FOXO3: variants seen among roughly 807,000 people sequenced by gnomAD.
The protein encoded by FOXO3 is forkhead box O3, also known as forkhead box protein O3.
FOXO3 carries 4 observed loss-of-function variants against 41.9 expected under a neutral mutation model. The observed-to-expected ratio is 0.10, with a 90% CI of 0.05 to 0.22. FOXO3 has a LOEUF of 0.22. Ranked by LOEUF, FOXO3 falls within the 10% of genes least tolerant of loss-of-function variation. The pLI, the probability that FOXO3 is intolerant of heterozygous loss-of-function variation, is 1.00. For missense variants in FOXO3, 534 were observed against 906.8 expected, an observed-to-expected ratio of 0.59 and a Z score of 5.28; for synonymous variants, 318 against 389.3, an observed-to-expected ratio of 0.82 and a Z score of 2.16.
At position 108,561,237 on chromosome 6, in the gene FOXO3, C is replaced by T. The variant is rs755477843; in HGVS notation, c.29C>T (p.Pro10Leu). ...GCAGAGGCACCGGCTTCCCCGGCCCCGCTCTCTCCGCTCGAAGTGGAGCTG... is the reference window on the plus strand; with the variant it reads ...GCAGAGGCACCGGCTTCCCCGGCCCTGCTCTCTCCGCTCGAAGTGGAGCTG... MAEAPASPAPLSPLEVELDP... is the reference protein window; with the variant it reads MAEAPASPALLSPLEVELDP... The change falls in exon 1 of 3, where the codon CCG becomes CTG. Residue 10 changes from proline to leucine, a missense_variant. Pro to Leu is a moderately conservative substitution (Grantham distance 98, BLOSUM62 -3). This residue lies in a region of FOXO3 where 19 missense variants were observed against 26.2 expected (regional missense o/e 0.73). Transcript: ENST00000406360. 6.0e-5 allele frequency: 94 copies of T among 1,562,412 alleles called. No individual in the cohort carries two copies. The highest frequency in any genetic ancestry group is 5.5e-5 in the Non-Finnish European group (64 of 1,156,310).
At chr6:108,678,331 C>T (rs140180707) in intron 2 of FOXO3, among the ~76,000 whole-genome samples, 208 of 152,252 alleles carry the variant, frequency 1.4e-3, no homozygotes, top group African/African-American at 5.0e-3. Flanking sequence ...GAGAAAAGCA[C>T]GAGTTCATGT....
intron 2 of FOXO3, among the ~76,000 whole-genome samples, chr6:108,677,235 T>G (rs888367644): frequency 7.2e-5 from 11 of 152,220 alleles, no homozygotes; most frequent in Admixed American, 6.5e-4. Context: ...TTCACACATC[T>G]CGTTTTTAAT....
rs564472144 is a variant in FOXO3, at chr6:108,635,235, C to T, written c.622-28220C>T. ...AGAATTTCTTGAACCCGGGAGGTTG[C>T]AGTGAGCGGAGATCACACCACTGTA... On this transcript the variant is annotated intron_variant, in intron 1 of 2. Coordinates refer to ENST00000406360, the MANE Select transcript of FOXO3 (RefSeq NM_001455.4). Among the ~76,000 whole-genome samples the T allele has an allele frequency of 6.6e-5, 10 of 152,082 alleles. 1 individual carries two copies. In the South Asian group the frequency reaches 2.1e-3, roughly 32 times the overall value.
At chr6:108,620,724 A>G (rs1387418853) in intron 1 of FOXO3, among the ~76,000 whole-genome samples, 1 of 152,224 alleles carries the variant, frequency 6.6e-6, no homozygotes, top group East Asian at 1.9e-4. Flanking sequence ...TTGGCAGCTT[A>G]TTATGAAAAG....
chr6:108,628,623 C>T (rs1361168089), intron 1 of FOXO3, among the ~76,000 whole-genome samples: 1 of 152,128 alleles, frequency 6.6e-6, no homozygotes, highest in Non-Finnish European at 1.5e-5. Flanking sequence ...TTTCCAGGTC[C>T]AGTTGCTGAA....
At chr6:108,560,281 T>A (rs572782277), upstream of FOXO3, among the ~76,000 whole-genome samples, 2 of 152,260 alleles carry the variant, frequency 1.3e-5, no homozygotes, top group African/African-American at 4.8e-5. Context: ...AGATTTATGT[T>A]CCGACTCGCT....
At chr6:108,573,213 G>C (rs1776157856) in intron 1 of FOXO3, among the ~76,000 whole-genome samples, 2 of 152,124 alleles carry the variant, frequency 1.3e-5, no homozygotes, top group African/African-American at 4.8e-5. Flanking sequence ...CGTGAACCCA[G>C]GAGGCGGAGC....
intron 1 of FOXO3, among the ~76,000 whole-genome samples, chr6:108,618,509 C>G (rs528756531): frequency 2.5e-4 from 38 of 152,318 alleles, no homozygotes; most frequent in Middle Eastern, 3.4e-3. Context: ...TCAGTGGTAT[C>G]GTTTTGAAGC....
At chr6:108,582,048 A>C (rs1007764976) in intron 1 of FOXO3, among the ~76,000 whole-genome samples, 7 of 152,234 alleles carry the variant, frequency 4.6e-5, no homozygotes, top group African/African-American at 1.7e-4. Context: ...AAAGCCCTAC[A>C]AACAATGTCA....
intron 1 of FOXO3, among the ~76,000 whole-genome samples, chr6:108,650,837 G>A (rs139384061): frequency 3.3e-5 from 5 of 152,090 alleles, no homozygotes; most frequent in East Asian, 3.9e-4. Flanking sequence ...ATCTTTTTTT[G>A]TGAACTTTTG....
At chr6:108,630,262 GGGAAGAGCAGGCC>G (rs1777927549) in intron 1 of FOXO3, among the ~76,000 whole-genome samples, 1 of 152,150 alleles carries the variant, frequency 6.6e-6, no homozygotes, top group Admixed American at 6.6e-5. Flanking sequence ...GGCAGAAACA[GGGAAGAGCAGGCC>G]GGAAGAGAGA....
At chr6:108,573,013 G>A (rs1536058) in intron 1 of FOXO3, among the ~76,000 whole-genome samples, 4,618 of 152,236 alleles carry the variant, frequency 0.03, 103 homozygotes, top group Non-Finnish European at 0.046. Context: ...TTTGGCCGGC[G>A]CGGTGGCTCA....
At chr6:108,621,112 T>C (rs993976896) in intron 1 of FOXO3, among the ~76,000 whole-genome samples, 5 of 152,154 alleles carry the variant, frequency 3.3e-5, no homozygotes, top group Non-Finnish European at 7.4e-5. Flanking sequence ...TGAAATAAGA[T>C]TGGAAAAAAA....
Position 108,611,985 on chromosome 6 carries a change from A to G in FOXO3, c.621+50156A>G, listed in dbSNP as rs193121822. On this transcript the variant is annotated intron_variant, in intron 1 of 2. Coordinates refer to ENST00000406360, the MANE Select transcript of FOXO3 (RefSeq NM_001455.4). Reference sequence around the variant, plus strand: ...CGTGTATTTCTAGACCCTCTGTTCTATTGATTGCATGTTTTCTTTCTTATA... The same window carrying G: ...CGTGTATTTCTAGACCCTCTGTTCTGTTGATTGCATGTTTTCTTTCTTATA... Among the ~76,000 whole-genome samples the G allele has an allele frequency of 3.0e-3, 457 of 152,248 alleles. 9 individuals carry two copies. Among genetic ancestry groups the G allele is most frequent in the East Asian group, 6.6e-3 (34 of 5,184 alleles).
chr6:108,656,385 G>A, intron 1 of FOXO3: 1 of 985,362 alleles, frequency 1.0e-6, no homozygotes, highest in Non-Finnish European at 1.2e-6. Flanking sequence ...GTTTGGAAGG[G>A]CTGAAGCGGA....
At chr6:108,669,761 C>T (rs142372318) in intron 2 of FOXO3, among the ~76,000 whole-genome samples, 58 of 152,252 alleles carry the variant, frequency 3.8e-4, no homozygotes, top group African/African-American at 1.2e-3. Context: ...TGACATTTAG[C>T]ATGAAGGCTG....
chr6:108,588,195 A>C (rs1179618895), intron 1 of FOXO3, among the ~76,000 whole-genome samples: 1 of 152,236 alleles, frequency 6.6e-6, no homozygotes, highest in Non-Finnish European at 1.5e-5. Context: ...AAAGGTACAT[A>C]AAGTGTGTGT....
At chr6:108,653,821 A>G (rs1229365754) in intron 1 of FOXO3, among the ~76,000 whole-genome samples, 2 of 152,190 alleles carry the variant, frequency 1.3e-5, no homozygotes. Context: ...TAATAAAACT[A>G]TTTCTGTTCC....
chr6:108,595,794 T>A (rs979579181), intron 1 of FOXO3, among the ~76,000 whole-genome samples: 1 of 152,258 alleles, frequency 6.6e-6, no homozygotes, highest in Non-Finnish European at 1.5e-5. Context: ...TAGTGACCTC[T>A]GTGTTTGCAC....
Sources: gnomAD v4.1 joint callset for allele counts (sites outside exome capture counted in the v4.1 genomes callset) on GRCh38, gnomAD v4.1.1 for gene constraint, gnomAD v4.1.1 regional missense constraint, MANE v1.5 for transcripts, NCBI Gene and HGNC (gene_info 2026-07-23, HGNC 2026-07-21) for gene names.